POGZ: variants seen among roughly 807,000 people sequenced by gnomAD.
The protein encoded by POGZ is pogo transposable element derived with ZNF domain.
In POGZ, 17 loss-of-function variants were observed where a neutral mutation model predicts 134.6. That is an observed-to-expected ratio of 0.13 (90% CI 0.09 to 0.19). The LOEUF (loss-of-function observed/expected upper bound fraction) is 0.19, where lower values mean the gene tolerates loss of function less well. POGZ is among the 10% of genes least tolerant of loss of function. The pLI, the probability that POGZ is intolerant of heterozygous loss-of-function variation, is 1.00. For missense variants in POGZ, 1,306 were observed against 1,769.7 expected, an observed-to-expected ratio of 0.74 and a Z score of 4.70; for synonymous variants, 693 against 657.1, an observed-to-expected ratio of 1.05 and a Z score of -0.84.
chr1:151,458,898 G>T (rs1160475831), intron 1 of POGZ, among the ~76,000 whole-genome samples: 1 of 143,032 alleles, frequency 7.0e-6, no homozygotes, highest in East Asian at 2.0e-4. Flanking sequence ...CCCTTCGCGC[G>T]GCTCCCGCGG....
intron 12 of POGZ, among the ~76,000 whole-genome samples, chr1:151,409,359 T>C (rs1208966211): frequency 6.6e-6 from 1 of 151,610 alleles, no homozygotes; most frequent in East Asian, 1.9e-4. Context: ...AATACATTCA[T>C]ATCCAATCAT....
chr1:151,415,922 T>C (rs1279926044), intron 10 of POGZ, among the ~76,000 whole-genome samples: 1 of 151,878 alleles, frequency 6.6e-6, no homozygotes, highest in African/African-American at 2.4e-5. Flanking sequence ...ATTAAAAGAC[T>C]ATGAATCAGG....
chr1:151,415,333 A>G (rs188956062), intron 10 of POGZ, among the ~76,000 whole-genome samples: 9 of 152,306 alleles, frequency 5.9e-5, no homozygotes, highest in Non-Finnish European at 1.2e-4. Context: ...ATGCTCAGGA[A>G]GTGGAGGTAA....
intron 3 of POGZ, among the ~76,000 whole-genome samples, 188 bp from the exon 4 acceptor site, chr1:151,431,029 G>A (rs546234125): frequency 1.3e-5 from 2 of 151,982 alleles, no homozygotes; most frequent in Non-Finnish European, 2.9e-5. Flanking sequence ...TCAAGTTCCT[G>A]GGCTCAGGTG....
At chr1:151,435,034 G>A (rs1020610385) in intron 3 of POGZ, among the ~76,000 whole-genome samples, 1 of 151,890 alleles carries the variant, frequency 6.6e-6, no homozygotes, top group Admixed American at 6.6e-5. Context: ...CAAGTAGCTA[G>A]GAATACAGAT....
chr1:151,407,090 A>C, intron 16 of POGZ, 67 bp from the exon 17 acceptor site: 1 of 1,353,924 alleles, frequency 7.4e-7, no homozygotes, highest in Non-Finnish European at 1.0e-6. Context: ...TTAAGCTTTG[A>C]GGCTTAAGAA....
intron 1 of POGZ, 167 bp from the exon 2 acceptor site, chr1:151,442,372 T>C (rs1660667775): frequency 1.5e-5 from 7 of 475,204 alleles, no homozygotes; most frequent in Non-Finnish European, 2.2e-5. Context: ...TTACAACTTC[T>C]ATTATTGAAT....
Position 151,412,311 on chromosome 1 carries a change from C to A in POGZ, c.1764G>T (p.Met588Ile). Residue 588 changes from methionine to isoleucine, a missense_variant, in exon 11 of 19, where the codon ATG (methionine) becomes ATT (isoleucine). Physicochemically the swap from Met to Ile is conservative, Grantham distance 10. Coordinates refer to ENST00000271715, the MANE Select transcript of POGZ (RefSeq NM_015100.4). Reference sequence around the variant, plus strand: ...AAGGCAATACCTGGCAAACATAAGGCATCTCTCCAGGCTTATGAGTATCCT... The same window carrying A: ...AAGGCAATACCTGGCAAACATAAGGAATCTCTCCAGGCTTATGAGTATCCT... The part of the protein sequence containing the change: ...HMKDTHKPGE[M>I]PYVCQVCQYR... The A allele has an allele frequency of 6.3e-7, 1 of 1,589,032 alleles. No homozygotes were observed. The highest frequency in any genetic ancestry group is 8.6e-7 in the Non-Finnish European group (1 of 1,159,856).
At chr1:151,437,896 T>C (rs1419711322) in intron 3 of POGZ, among the ~76,000 whole-genome samples, 1 of 152,122 alleles carries the variant, frequency 6.6e-6, no homozygotes, top group East Asian at 1.9e-4. Flanking sequence ...GCCATATCCT[T>C]AAAGTTGGAC....
chr1:151,410,759 G>A (rs1403829603), intron 12 of POGZ, among the ~76,000 whole-genome samples: 2 of 152,094 alleles, frequency 1.3e-5, no homozygotes, highest in Non-Finnish European at 2.9e-5. Flanking sequence ...CCAAGCTCAT[G>A]ATCTCCCCCC....
Position 151,418,727 on chromosome 1 carries a change from T to G in POGZ, c.1678+4670A>C, listed in dbSNP as rs1280197677. Among the ~76,000 whole-genome samples the G allele has an allele frequency of 2.0e-5, 3 of 152,058 alleles. No individual in the cohort carries two copies. In the East Asian group the frequency reaches 5.8e-4, roughly 29 times the overall value. On this transcript the variant is annotated intron_variant, in intron 10 of 18. Coordinates refer to ENST00000271715, the MANE Select transcript of POGZ (RefSeq NM_015100.4). ...CCTATTATGCATCAATTCTTTTTTT[T>G]GAAAAAGCTACTTTTGGGCTGGGCA... is the stretch of plus-strand genomic sequence containing the variant.
chr1:151,457,837 G>C (rs915810363), intron 1 of POGZ, among the ~76,000 whole-genome samples: 1 of 151,462 alleles, frequency 6.6e-6, no homozygotes, highest in Non-Finnish European at 1.5e-5. Context: ...TGAGGCAGGA[G>C]AATCACTGGA....
intron 1 of POGZ, among the ~76,000 whole-genome samples, chr1:151,447,642 A>ATTTTTT (rs35308281): frequency 1.9e-5 from 1 of 52,936 alleles, no homozygotes; most frequent in African/African-American, 6.5e-5. Context: ...TGTCTGGCTA[A>ATTTTTT]TTTTTTTTTT....
intron 1 of POGZ, among the ~76,000 whole-genome samples, chr1:151,442,759 A>G (rs565658329): frequency 9.5e-4 from 143 of 151,076 alleles, no homozygotes; most frequent in African/African-American, 3.3e-3. Flanking sequence ...GGCCAGGCAC[A>G]GTGGCTTATG....
At chr1:151,450,183 C>G (rs963110762) in intron 1 of POGZ, among the ~76,000 whole-genome samples, 1 of 147,182 alleles carries the variant, frequency 6.8e-6, no homozygotes, top group Non-Finnish European at 1.5e-5. Context: ...AGGTGCCCAC[C>G]ACCACGGCTG....
chr1:151,458,733 C>G (rs894721989), intron 1 of POGZ, among the ~76,000 whole-genome samples: 3 of 145,752 alleles, frequency 2.1e-5, no homozygotes, highest in Non-Finnish European at 3.0e-5. Flanking sequence ...CGCGCCCGCG[C>G]CGCCCACTCC....
chr1:151,455,946 C>T (rs2102438500), intron 1 of POGZ, among the ~76,000 whole-genome samples: 1 of 140,464 alleles, frequency 7.1e-6, no homozygotes. Context: ...TCTCACTATG[C>T]TGACCAGGCT....
At chr1:151,425,841 G>C (rs1657677550) in intron 7 of POGZ, among the ~76,000 whole-genome samples, 2 of 152,206 alleles carry the variant, frequency 1.3e-5, no homozygotes, top group South Asian at 4.1e-4. Flanking sequence ...ACCTGTTCTA[G>C]TCCCTGCTTT....
rs754183337 is a variant in POGZ, at chr1:151,405,963, G to A, written c.3072C>T (p.Ser1024=). ...QGENLEGKYL[S]FEAEEKLAEW... is the part of the protein sequence containing the mutation. ...CAGCCAGTTTCTCTTCTGCCTCAAAGCTCAGATATTTGCCCTCTAGATTCT... is the reference window on the plus strand; with the variant it reads ...CAGCCAGTTTCTCTTCTGCCTCAAAACTCAGATATTTGCCCTCTAGATTCT... The change falls in exon 19 of 19, where the codon AGC becomes AGT. Residue 1024 remains serine, a synonymous_variant. Coordinates refer to ENST00000271715, the MANE Select transcript of POGZ (RefSeq NM_015100.4). This position sits in a 1 kb window ranked among gnomAD's most constrained non-coding sequence, Gnocchi z 4.9. 6.2e-7 allele frequency: 1 copy of A among 1,614,236 alleles called. No individual in the cohort carries two copies. The highest frequency in any genetic ancestry group is 1.1e-5 in the South Asian group (1 of 91,088).
Sources: allele counts gnomAD v4.1 joint callset (sites outside exome capture counted in the v4.1 genomes callset), GRCh38; gene constraint gnomAD v4.1.1; non-coding constraint Gnocchi (gnomAD v3.1); transcripts MANE v1.5; gene names NCBI Gene and HGNC (gene_info 2026-07-23, HGNC 2026-07-21).